The following EGF variants were observed in gnomAD, a reference collection of about 807,000 sequenced individuals.
The protein encoded by EGF is epidermal growth factor.
Under a neutral mutation model 143.8 loss-of-function variants are expected in EGF, and 95 were observed. The observed-to-expected ratio is 0.66, with a 90% confidence interval of 0.56 to 0.78. EGF has a LOEUF of 0.78. EGF is among the 30% of genes least tolerant of loss of function. The pLI, the probability that EGF is intolerant of heterozygous loss-of-function variation, is 0.00. For missense variants in EGF, 1,320 were observed against 1,470.9 expected (o/e 0.90, Z 1.68); for synonymous variants, 510 against 510.5 (o/e 1.00, Z 0.01).
Position 109,913,426 on chromosome 4 carries a change from G to A in EGF, c.91G>A (p.Gly31Ser). The A allele has an allele frequency of 1.9e-6, 3 of 1,613,904 alleles. No individual in the cohort carries two copies. In the South Asian group the frequency reaches 3.3e-5, roughly 18 times the overall value. Reference sequence around the variant, plus strand: ...ACCGCAGCACTGGAGCTGTCCTGAAGGTACTCTCGCAGGAAATGGGAATTC... The same window carrying A: ...ACCGCAGCACTGGAGCTGTCCTGAAAGTACTCTCGCAGGAAATGGGAATTC... Reference protein sequence around the residue: ...SAPQHWSCPEGTLAGNGNSTC... With the variant: ...SAPQHWSCPESTLAGNGNSTC... The change falls in exon 1 of 24, where the codon GGT (glycine) becomes AGT (serine). Residue 31 changes from glycine to serine, a missense_variant. Gly to Ser is a moderately conservative substitution (Grantham distance 56). Coordinates refer to ENST00000265171, the MANE Select transcript of EGF (RefSeq NM_001963.6).
In EGF at chr4:109,960,947, C is replaced by G; in HGVS notation, c.1147C>G (p.Pro383Ala). ...NTPGSYYCTC[P>A]VGFVLLPDGK... ...CCCTGGATCCTATTACTGCACGTGC[C>G]CTGTAGGATTTGTTCTGCTTCCTGA... is the stretch of plus-strand genomic sequence containing the variant. The change falls in exon 7 of 24, where the codon CCT becomes GCT. Residue 383 changes from proline (P) to alanine (A), a missense_variant. By Grantham distance (27) the Pro-to-Ala change is conservative. Transcript: ENST00000265171. The G allele has an allele frequency of 6.2e-7, 1 of 1,613,776 alleles. No individual in the cohort carries two copies. Among genetic ancestry groups the G allele is most frequent in the Non-Finnish European group, 8.5e-7 (1 of 1,179,858 alleles).
chr4:109,973,602 C>G (rs562555924), intron 11 of EGF, among the ~76,000 whole-genome samples: 1 of 151,736 alleles, frequency 6.6e-6, no homozygotes, highest in African/African-American at 2.4e-5. Flanking sequence ...TTACTTCCCC[C>G]GACCTCTCCT....
At position 109,997,288 on chromosome 4, in the gene EGF, GAGC is replaced by G. The variant is rs147486488; in HGVS notation, c.3006-2388_3006-2386del. Among the ~76,000 whole-genome samples the G allele has an allele frequency of 6.3e-3, 958 of 152,170 alleles. 11 individuals are homozygous for G. The highest frequency in any genetic ancestry group is 0.022 in the African/African-American group (907 of 41,524). On this transcript the variant is annotated intron_variant, in intron 20 of 23. Coordinates refer to ENST00000265171, the MANE Select transcript of EGF (RefSeq NM_001963.6). ...AGAATATCTCAAGCATTGATCTTAG[GAGC>G]AGTATAGGGAGGTTCAGAATCTTGT...
intron 1 of EGF, among the ~76,000 whole-genome samples, chr4:109,940,277 A>C (rs1741685279): frequency 6.6e-6 from 1 of 152,234 alleles, no homozygotes; most frequent in Admixed American, 6.5e-5. Flanking sequence ...CAAAGTGCCC[A>C]GTCAAATTTG....
chr4:109,914,988 G>GC (rs1257918770), intron 1 of EGF, among the ~76,000 whole-genome samples: 1 of 152,204 alleles, frequency 6.6e-6, no homozygotes, highest in East Asian at 1.9e-4. Context: ...GGTTGCTGAA[G>GC]CAGAACCCAA....
chr4:110,009,281 TC>T (rs1369222659), intron 23 of EGF, among the ~76,000 whole-genome samples: 1 of 152,200 alleles, frequency 6.6e-6, no homozygotes, highest in African/African-American at 2.4e-5. Context: ...ATCATTACTT[TC>T]CCCTGATAAT....
At chr4:110,007,093 T>G (rs1311127956) in intron 22 of EGF, among the ~76,000 whole-genome samples, 1 of 152,138 alleles carries the variant, frequency 6.6e-6, no homozygotes. Flanking sequence ...CTGCAGGAGA[T>G]CATCAATGAG....
Position 109,981,097 on chromosome 4 carries a change from G to A in EGF, c.2371+122G>A, listed in dbSNP as rs1749294978. On this transcript the variant is annotated intron_variant, in intron 15 of 23. Coordinates refer to ENST00000265171, the MANE Select transcript of EGF (RefSeq NM_001963.6). Reference sequence around the variant, plus strand: ...ATGTTAAAAGTTCTCCTGTTTTTAGGAATGCTAAGAATTTGTTTGTTTATT... The same window carrying A: ...ATGTTAAAAGTTCTCCTGTTTTTAGAAATGCTAAGAATTTGTTTGTTTATT... The A allele has an allele frequency of 2.8e-6, 4 of 1,416,746 alleles. No individual in the cohort carries two copies. In the South Asian group the frequency reaches 3.5e-5, roughly 12 times the overall value. The allele number at this position is 1,416,746 out of a possible 1,614,324, so 87.8% of individuals were successfully genotyped here.
At chr4:110,003,269 C>T (rs949693989) in intron 21 of EGF, among the ~76,000 whole-genome samples, 1 of 152,122 alleles carries the variant, frequency 6.6e-6, no homozygotes, top group African/African-American at 2.4e-5. Context: ...GAAATAATTT[C>T]CTCTCTCTCC....
chr4:109,969,176 T>A, intron 11 of EGF, 57 bp downstream of exon 11: 1 of 1,606,600 alleles, frequency 6.2e-7, no homozygotes, highest in Non-Finnish European at 8.5e-7. Flanking sequence ...GGATAGGTAA[T>A]ACTATTGGCT....
At chr4:109,931,938 A>G (rs746900122) in intron 1 of EGF, among the ~76,000 whole-genome samples, 25 of 152,226 alleles carry the variant, frequency 1.6e-4, no homozygotes, top group African/African-American at 5.1e-4. Flanking sequence ...TAACTACTCT[A>G]TTTTTTTGAA....
chr4:109,976,162 T>A lies in EGF; in HGVS notation c.1980T>A (p.Asp660Glu). ...TAACTGACAAGTTGTACTGGTGCGA[T>A]GCCAAGCAGTCTGTGATTGAAATGG... ...DFLTDKLYWCDAKQSVIEMAN... is the reference protein window; with the variant it reads ...DFLTDKLYWCEAKQSVIEMAN... Residue 660 changes from aspartate (D) to glutamate (E), a missense_variant, in exon 13 of 24, where the codon GAT (aspartate) becomes GAA (glutamate). Physicochemically the swap from Asp to Glu is conservative, Grantham distance 45 (BLOSUM62 2). Transcript: ENST00000265171. 3 of 1,614,158 alleles carry A rather than the reference T, an allele frequency of 1.9e-6. No individual in the cohort carries two copies. Among genetic ancestry groups the A allele is most frequent in the Non-Finnish European group, 1.7e-6 (2 of 1,180,018 alleles).
rs1742337319 is a variant in EGF, at chr4:109,943,774, T to C, written c.510-68T>C. 5.2e-6 allele frequency: 7 copies of C among 1,348,500 alleles called. No individual in the cohort carries two copies. The South Asian group carries it at 7.2e-5, about 14-fold the overall frequency. 83.5% of individuals were successfully genotyped at this position (1,348,500 alleles called of 1,614,324 possible). Reference sequence around the variant, plus strand: ...GCCCTGTGAAGGAGCTGCTGAAACATTGAGAGAGTTGGCCATTTAAGGCAC... The same window carrying C: ...GCCCTGTGAAGGAGCTGCTGAAACACTGAGAGAGTTGGCCATTTAAGGCAC... On this transcript the variant is annotated intron_variant, in intron 3 of 23. Coordinates refer to ENST00000265171, the MANE Select transcript of EGF (RefSeq NM_001963.6).
intron 13 of EGF, chr4:109,977,517 T>C (rs1748684728): frequency 1.3e-5 from 2 of 151,746 alleles, no homozygotes; most frequent in African/African-American, 4.8e-5. Context: ...AGGAATCTAG[T>C]GCAGAACACA....
At chr4:109,950,908 A>G (rs1403708326) in intron 5 of EGF, among the ~76,000 whole-genome samples, 1 of 152,212 alleles carries the variant, frequency 6.6e-6, no homozygotes, top group African/African-American at 2.4e-5. Flanking sequence ...CACCATGCTT[A>G]GCTGGAGTTG....
At position 109,994,896 on chromosome 4, in the gene EGF, T is replaced by C. The variant is rs757833938; in HGVS notation, c.3005+16T>C. ...ATGCATGCAAGTAAGTTAAACTGTC[T>C]TGCTGATGGCACAGAGAGATGCTAT... On this transcript the variant is annotated intron_variant, in intron 20 of 23. Transcript: ENST00000265171. 3.1e-6 allele frequency: 5 copies of C among 1,613,996 alleles called. No homozygotes were observed. The African/African-American group carries it at 4.0e-5, about 13-fold the overall frequency.
At chr4:109,944,932 A>G (rs1742578271) in intron 4 of EGF, 141 bp from the exon 5 acceptor site, 1 of 879,092 alleles carries the variant, frequency 1.1e-6, no homozygotes, top group South Asian at 1.6e-5. Flanking sequence ...TAAACTTAAT[A>G]TACTTTTCTA....
At chr4:109,993,588 C>G (rs2126153159) in intron 19 of EGF, among the ~76,000 whole-genome samples, 1 of 152,220 alleles carries the variant, frequency 6.6e-6, no homozygotes, top group Middle Eastern at 3.4e-3. Flanking sequence ...TTATTACTCA[C>G]AATCCAATAA....
chr4:109,982,314 TTTTTTCTTTTTC>T (rs201754254), intron 15 of EGF, among the ~76,000 whole-genome samples: 3 of 151,102 alleles, frequency 2.0e-5, no homozygotes, highest in African/African-American at 7.3e-5. Flanking sequence ...CAGCCAATTT[TTTTTTCTTTTTC>T]TTTTTCTTTT....
Sources: allele counts gnomAD v4.1 joint callset (sites outside exome capture counted in the v4.1 genomes callset), GRCh38; gene constraint gnomAD v4.1.1; transcripts MANE v1.5; gene names NCBI Gene and HGNC (gene_info 2026-07-23, HGNC 2026-07-21).